The following BRD4 variants were observed in gnomAD, a reference collection of about 807,000 sequenced individuals.
BRD4 encodes bromodomain containing 4, also known as bromodomain-containing protein 4.
In BRD4, 16 loss-of-function variants were observed where a neutral mutation model predicts 142.1. The observed-to-expected ratio is 0.11, with a 90% CI of 0.08 to 0.17. The LOEUF is 0.17. Among genes scored for constraint, BRD4 ranks in the 10% least tolerant of loss-of-function variants. The probability of loss-of-function intolerance (pLI) is 1.00; values close to 1 mark genes in which losing one functional copy is unlikely to be tolerated. For missense variants in BRD4, 1,424 were observed against 1,810.9 expected (o/e 0.79, Z 3.88); for synonymous variants, 833 against 707.5 (o/e 1.18, Z -2.82).
intron 1 of BRD4, among the ~76,000 whole-genome samples, chr19:15,318,132 G>A (rs181029603): frequency 2.0e-5 from 3 of 152,212 alleles, no homozygotes; most frequent in Admixed American, 6.5e-5. Context: ...AATAGAAAGG[G>A]GAAACTGCTT....
intron 14 of BRD4, among the ~76,000 whole-genome samples, 174 bp downstream of exon 14, chr19:15,242,726 G>C (rs149388653): frequency 6.6e-6 from 1 of 152,224 alleles, no homozygotes; most frequent in Non-Finnish European, 1.5e-5. Flanking sequence ...AGAGACACCT[G>C]ATAAACACAC....
At chr19:15,268,698 C>T (rs1425432938) in intron 3 of BRD4, among the ~76,000 whole-genome samples, 1 of 152,084 alleles carries the variant, frequency 6.6e-6, no homozygotes, top group African/African-American at 2.4e-5. Flanking sequence ...TCAACATGGC[C>T]AGCACCCTCC....
At chr19:15,283,978 G>A (rs1020060730) in intron 1 of BRD4, among the ~76,000 whole-genome samples, 4 of 152,186 alleles carry the variant, frequency 2.6e-5, no homozygotes, top group African/African-American at 9.7e-5. Context: ...GGCACGAGGA[G>A]AGATGGAGCC....
At chr19:15,253,517 G>C in intron 11 of BRD4, 1 of 1,492,084 alleles carries the variant, frequency 6.7e-7, no homozygotes. Context: ...AACTGCAGGA[G>C]GGACACGCAA....
rs771140069 is a variant in BRD4, at chr19:15,239,773, TCAC to T, written c.3328_3330del (p.Val1110del). The stretch of plus-strand genomic sequence containing the variant: ...ATGGGTGAGTGGATCTTCTCCTCCT[TCAC>T]CACCACGAGGGGCTGGGGCTGGACC... On this transcript the variant is annotated inframe_deletion, in exon 16 of 20. Coordinates refer to ENST00000679869, the MANE Select transcript of BRD4 (RefSeq NM_001379291.1). This position sits in a 1 kb window ranked among gnomAD's most constrained non-coding sequence, Gnocchi z 7.4. 6.1e-5 allele frequency: 99 copies of T among 1,612,050 alleles called. 1 individual carries two copies. The East Asian group carries it at 1.3e-3, about 22-fold the overall frequency.
chr19:15,252,097 C>T (rs527440946), intron 11 of BRD4, among the ~76,000 whole-genome samples: 17 of 152,254 alleles, frequency 1.1e-4, no homozygotes, highest in East Asian at 3.9e-4. Flanking sequence ...AATAAAATCT[C>T]GGCAGCGGCA....
At chr19:15,285,798 A>C (rs1169553473) in intron 1 of BRD4, among the ~76,000 whole-genome samples, 2 of 152,202 alleles carry the variant, frequency 1.3e-5, no homozygotes, top group African/African-American at 4.8e-5. Flanking sequence ...CAGGAACTAA[A>C]GGGAAAAAAT....
At chr19:15,278,622 A>T (rs1196461568) in intron 1 of BRD4, among the ~76,000 whole-genome samples, 2 of 149,004 alleles carry the variant, frequency 1.3e-5, no homozygotes, top group Non-Finnish European at 3.0e-5. Context: ...TTTTTCAGAC[A>T]GCTACACAGT....
chr19:15,245,267 T>G (rs1180945533), intron 11 of BRD4, among the ~76,000 whole-genome samples: 1 of 151,900 alleles, frequency 6.6e-6, no homozygotes, highest in Non-Finnish European at 1.5e-5. Context: ...TGCATGGCCC[T>G]CTAAGGCCCA....
chr19:15,265,746 T>C (rs1208836590), intron 4 of BRD4, 103 bp from the exon 5 acceptor site: 4 of 1,254,802 alleles, frequency 3.2e-6, no homozygotes, highest in Non-Finnish European at 4.6e-6. Flanking sequence ...CACATTCGCG[T>C]GTTGCATTTG....
At chr19:15,240,639 G>T (rs2047231327) in intron 14 of BRD4, among the ~76,000 whole-genome samples, 1 of 152,198 alleles carries the variant, frequency 6.6e-6, no homozygotes, top group African/African-American at 2.4e-5. Flanking sequence ...TGTCTCTTAG[G>T]AAACAGGCCA....
intron 11 of BRD4, among the ~76,000 whole-genome samples, chr19:15,251,847 CAAA>C (rs943358146): frequency 2.0e-5 from 3 of 152,188 alleles, no homozygotes; most frequent in African/African-American, 7.2e-5. Flanking sequence ...ATTGGGAAGA[CAAA>C]AGGGAGCCAG....
intron 4 of BRD4, 73 bp downstream of exon 4, chr19:15,267,343 G>GC (rs1426036739): frequency 3.8e-6 from 6 of 1,562,472 alleles, no homozygotes; most frequent in South Asian, 2.3e-5. Context: ...GCCACTCCCA[G>GC]CCCCCCACCA....
rs76214822 is a variant in BRD4 at position 15,260,053 on chromosome 19, G to A, written c.1342-2880C>T. 4.3e-3 allele frequency among the ~76,000 whole-genome samples: 649 copies of A among 152,290 alleles called. 10 individuals are homozygous for A. Among genetic ancestry groups the A allele is most frequent in the African/African-American group, 0.014 (602 of 41,568 alleles). ...TGGGCTGACAGTCTCTTGAGACCCA[G>A]CTGAGGCCCAGCCCCCTGCCCGGCA... On this transcript the variant is annotated intron_variant, in intron 7 of 19. Transcript: ENST00000679869.
rs151188744 is a variant in BRD4 at position 15,264,394 on chromosome 19, T to G, written c.1212+10A>C. 1 of 1,584,480 alleles carries G rather than the reference T, an allele frequency of 6.3e-7. No individual in the cohort carries two copies. The highest frequency in any genetic ancestry group is 1.1e-5 in the South Asian group (1 of 87,152). On this transcript the variant is annotated intron_variant, in intron 6 of 19. Coordinates refer to ENST00000679869, the MANE Select transcript of BRD4 (RefSeq NM_001379291.1). ...CACCTTGTCCCTTCCCTCAGGCACATCCCGCTAACCTTGATTGTGCTCATG... is the reference window on the plus strand; with the variant it reads ...CACCTTGTCCCTTCCCTCAGGCACAGCCCGCTAACCTTGATTGTGCTCATG...
chr19:15,331,965 G>A (rs867149133), intron 1 of BRD4: 115 of 45,262 alleles, frequency 2.5e-3, no homozygotes, highest in African/African-American at 8.7e-3. Flanking sequence ...CCCGACCGCC[G>A]GCCCCGCCGC....
At chr19:15,248,778 A>C (rs1026638516) in intron 11 of BRD4, 6 of 237,232 alleles carry the variant, frequency 2.5e-5, no homozygotes, top group African/African-American at 1.3e-4. Context: ...GGACAGCTCT[A>C]GAGGTCAGAG....
rs190964310 is a variant in BRD4, at chr19:15,302,931, C to A, written c.-35+29359G>T. Among the ~76,000 whole-genome samples the A allele has an allele frequency of 3.3e-3, 498 of 150,610 alleles. 1 individual carries two copies. Among genetic ancestry groups the A allele is most frequent in the Non-Finnish European group, 6.0e-3 (405 of 67,728 alleles). The stretch of plus-strand genomic sequence containing the variant: ...GCCGAGGCAGGAGAATGGCGTGAAC[C>A]CGGGAGGCGGAGCTTGCAGTGAGCC... On this transcript the variant is annotated intron_variant, in intron 1 of 19. Coordinates refer to ENST00000679869, the MANE Select transcript of BRD4 (RefSeq NM_001379291.1).
intron 2 of BRD4, among the ~76,000 whole-genome samples, chr19:15,270,244 T>A (rs976414787): frequency 6.6e-6 from 1 of 152,154 alleles, no homozygotes; most frequent in Admixed American, 6.6e-5. Context: ...GTGGACAGCG[T>A]TGGAAAGGCC....
Sources: gnomAD v4.1 joint callset for allele counts (sites outside exome capture counted in the v4.1 genomes callset) on GRCh38, gnomAD v4.1.1 for gene constraint, Gnocchi (gnomAD v3.1) non-coding constraint, MANE v1.5 for transcripts, NCBI Gene and HGNC (gene_info 2026-07-23, HGNC 2026-07-21) for gene names.